Variants in ZDHHC18 observed in about 807,000 individuals in gnomAD.
The protein encoded by ZDHHC18 is zDHHC palmitoyltransferase 18.
In ZDHHC18, 23 loss-of-function variants were observed where a neutral mutation model predicts 37.5. The observed-to-expected ratio is 0.61, with a 90% CI of 0.44 to 0.87. ZDHHC18 has a LOEUF of 0.87. ZDHHC18 is among the 40% of genes least tolerant of loss of function. The pLI, the probability that ZDHHC18 is intolerant of heterozygous loss-of-function variation, is 0.00. For synonymous variants in ZDHHC18, 185 were observed against 218.7 expected (o/e 0.85, Z 1.36); for missense variants, 406 against 525.6 (o/e 0.77, Z 2.22).
At chr1:26,832,664 T>G (rs528085794) in intron 2 of ZDHHC18, 57 bp downstream of exon 2, 1 of 1,585,590 alleles carries the variant, frequency 6.3e-7, no homozygotes, top group East Asian at 2.2e-5. Context: ...TTCCCTGACT[T>G]GGGAGGAGGC....
At chr1:26,845,891 A>T (rs765275400) in intron 2 of ZDHHC18, among the ~76,000 whole-genome samples, 1 of 152,130 alleles carries the variant, frequency 6.6e-6, no homozygotes. Context: ...CCTCCTGAGA[A>T]GCTGGGACCA....
intron 2 of ZDHHC18, among the ~76,000 whole-genome samples, chr1:26,840,062 T>G: frequency 6.6e-6 from 1 of 152,198 alleles, no homozygotes; most frequent in East Asian, 1.9e-4. Flanking sequence ...CATTTGCTCT[T>G]CTGCAGAGTG....
rs2081558620 is a variant in ZDHHC18 at position 26,826,780 on chromosome 1, G to A, written c.-25G>A. The A allele has an allele frequency of 2.1e-6, 2 of 973,192 alleles. No homozygotes were observed. The highest frequency in any genetic ancestry group is 2.3e-4 in the East Asian group (2 of 8,662). The allele number at this position is 973,192 out of a possible 1,614,324, so 60.3% of individuals were successfully genotyped here. On this transcript the variant is annotated 5_prime_UTR_variant, in exon 1 of 8. Coordinates refer to ENST00000374142, the MANE Select transcript of ZDHHC18 (RefSeq NM_032283.3). The surrounding 1 kb of genome is among the most constrained non-coding windows in gnomAD (Gnocchi z 5.2). Reference sequence around the variant, plus strand: ...GTGGCCCGGCCGGCCCGCGGGGCGCGGAGCCGAGGCCCGCGGCTGGCTGCA... The same window carrying A: ...GTGGCCCGGCCGGCCCGCGGGGCGCAGAGCCGAGGCCCGCGGCTGGCTGCA...
intron 6 of ZDHHC18, among the ~76,000 whole-genome samples, chr1:26,852,497 A>C (rs1035114068): frequency 4.6e-5 from 7 of 152,074 alleles, no homozygotes; most frequent in African/African-American, 1.7e-4. Flanking sequence ...GGCTGGCCGG[A>C]GAAGGGAGGA....
At chr1:26,843,173 G>A (rs576310921) in intron 2 of ZDHHC18, among the ~76,000 whole-genome samples, 3 of 136,500 alleles carry the variant, frequency 2.2e-5, no homozygotes, top group East Asian at 2.1e-4. Flanking sequence ...ACGGAGTTTC[G>A]TTCTTATCAC....
intron 2 of ZDHHC18, among the ~76,000 whole-genome samples, chr1:26,847,703 A>T (rs1323894491): frequency 6.7e-6 from 1 of 149,358 alleles, no homozygotes; most frequent in Non-Finnish European, 1.5e-5. Context: ...TTTTTTTAAG[A>T]CAGGTTCTGG....
intron 2 of ZDHHC18, among the ~76,000 whole-genome samples, chr1:26,843,801 G>A (rs543902454): frequency 2.0e-5 from 3 of 151,862 alleles, no homozygotes; most frequent in African/African-American, 7.2e-5. Context: ...AAAAAAAAAG[G>A]TATAGAAATT....
intron 2 of ZDHHC18, among the ~76,000 whole-genome samples, chr1:26,843,438 G>A (rs1463206175): frequency 6.6e-6 from 1 of 151,174 alleles, no homozygotes; most frequent in African/African-American, 2.4e-5. Context: ...ACCGTGCCCG[G>A]CCTCCTTTTT....
chr1:26,853,906 C>G lies in ZDHHC18; in HGVS notation c.*63C>G. ...CCCTCCGCACTCACCTGCCGGGACC[C>G]TCCCTATTCCATCCAAGGGAAGCAG... On this transcript the variant is annotated 3_prime_UTR_variant, in exon 8 of 8. Transcript: ENST00000374142. 7.1e-7 allele frequency: 1 copy of G among 1,403,210 alleles called. No homozygotes were observed. Among genetic ancestry groups the G allele is most frequent in the Non-Finnish European group, 1.0e-6 (1 of 1,001,922 alleles). The allele number at this position is 1,403,210 out of a possible 1,614,324, so 86.9% of individuals were successfully genotyped here. A position where few individuals can be genotyped will look rare whatever the true frequency, so the allele number is the denominator to read the frequency against.
chr1:26,830,975 G>A (rs1207791549), intron 1 of ZDHHC18, among the ~76,000 whole-genome samples: 1 of 152,136 alleles, frequency 6.6e-6, no homozygotes, highest in African/African-American at 2.4e-5. Flanking sequence ...TAGAGATGGG[G>A]TTTCATCTTA....
rs1217401778 is a variant in ZDHHC18 at position 26,826,869 on chromosome 1, C to G, written c.65C>G (p.Ala22Gly). The stretch of plus-strand genomic sequence containing the variant: ...GCCCCGCTGCCCGCCTCCCCGGGGG[C>G]GCGCCGTCCCGGCCCCGCCGCGTCC... The part of the protein sequence containing the change: ...GAAPLPASPG[A>G]RRPGPAASPT... The change falls in exon 1 of 8, where the codon GCG becomes GGG. Residue 22 changes from alanine (A) to glycine (G), a missense_variant. Transcript: ENST00000374142. This position sits in a 1 kb window ranked among gnomAD's most constrained non-coding sequence, Gnocchi z 5.2. 3.0e-5 allele frequency: 29 copies of G among 979,900 alleles called. No individual in the cohort carries two copies. Among genetic ancestry groups the G allele is most frequent in the East Asian group, 2.3e-4 (2 of 8,662 alleles). 60.7% of individuals were successfully genotyped at this position (979,900 alleles called of 1,614,324 possible). A position where few individuals can be genotyped will look rare whatever the true frequency, so the allele number is the denominator to read the frequency against.
intron 2 of ZDHHC18, among the ~76,000 whole-genome samples, chr1:26,844,013 G>A (rs2081651057): frequency 2.0e-5 from 3 of 152,144 alleles, no homozygotes; most frequent in African/African-American, 4.8e-5. Context: ...TGTACTGTAT[G>A]TCTGGCTTCC....
intron 2 of ZDHHC18, among the ~76,000 whole-genome samples, chr1:26,846,290 G>GTGTGTGTGTGTA (rs1176068068): frequency 2.1e-5 from 1 of 47,858 alleles, no homozygotes; most frequent in Non-Finnish European, 3.4e-5. Context: ...GTGTGTGTGT[G>GTGTGTGTGTGTA]TATATATATA....
chr1:26,840,192 G>A (rs1010341971), intron 2 of ZDHHC18, among the ~76,000 whole-genome samples: 2 of 152,196 alleles, frequency 1.3e-5, no homozygotes, highest in Non-Finnish European at 2.9e-5. Context: ...TTCCACTGAG[G>A]ATTCCAGTAA....
chr1:26,850,341 G>C lies in ZDHHC18; in HGVS notation c.687G>C (p.Val229=). Reference sequence around the variant, plus strand: ...ACTGCCCCTGGGTGGGCAACTGTGTGGGGAGACGGAACTATCGCTTCTTCT... The same window carrying C: ...ACTGCCCCTGGGTGGGCAACTGTGTCGGGAGACGGAACTATCGCTTCTTCT... ...DHHCPWVGNC[V]GRRNYRFFYA... is the part of the protein sequence containing the mutation. Residue 229 remains valine (V), a synonymous_variant, in exon 4 of 8, where the codon GTG becomes GTC. Transcript: ENST00000374142. This position sits in a 1 kb window ranked among gnomAD's most constrained non-coding sequence, Gnocchi z 6.1. The C allele has an allele frequency of 1.2e-6, 2 of 1,614,228 alleles. No homozygotes were observed. The highest frequency in any genetic ancestry group is 1.7e-6 in the Non-Finnish European group (2 of 1,180,036).
At chr1:26,844,871 G>A (rs1308382945) in intron 2 of ZDHHC18, among the ~76,000 whole-genome samples, 1 of 149,572 alleles carries the variant, frequency 6.7e-6, no homozygotes, top group Non-Finnish European at 1.5e-5. Context: ...TTTGTATTCA[G>A]TTGTCTGACT....
Position 26,832,612 on chromosome 1 carries a change from G to C in ZDHHC18, c.496+5G>C, listed in dbSNP as rs1363250367. 6.2e-7 allele frequency: 1 copy of C among 1,613,490 alleles called. No homozygotes were observed. Among genetic ancestry groups the C allele is most frequent in the East Asian group, 2.2e-5 (1 of 44,872 alleles). On this transcript the variant is annotated splice_donor_5th_base_variant and intron_variant, in intron 2 of 7. Coordinates refer to ENST00000374142, the MANE Select transcript of ZDHHC18 (RefSeq NM_032283.3). ...CCGCCCTGGAGAAACAGATCGGTGAGGTTTCTACTCCCAGCTGAAGCTGGG... is the reference window on the plus strand; with the variant it reads ...CCGCCCTGGAGAAACAGATCGGTGACGTTTCTACTCCCAGCTGAAGCTGGG...
chr1:26,835,358 G>T (rs554575348), intron 2 of ZDHHC18, among the ~76,000 whole-genome samples: 3 of 152,316 alleles, frequency 2.0e-5, no homozygotes, highest in African/African-American at 7.2e-5. Flanking sequence ...AACTTGAATA[G>T]AAGCCAAATT....
intron 6 of ZDHHC18, among the ~76,000 whole-genome samples, chr1:26,852,104 C>T (rs1281522510): frequency 1.3e-5 from 2 of 152,224 alleles, no homozygotes; most frequent in Non-Finnish European, 2.9e-5. Context: ...TCAGTGAGAA[C>T]AGAAATGCCA....
Sources: gnomAD v4.1 joint callset for allele counts (sites outside exome capture counted in the v4.1 genomes callset) on GRCh38, gnomAD v4.1.1 for gene constraint, Gnocchi (gnomAD v3.1) non-coding constraint, MANE v1.5 for transcripts, NCBI Gene and HGNC (gene_info 2026-07-23, HGNC 2026-07-21) for gene names.